Variants in APBB2 observed in about 807,000 individuals in gnomAD.
APBB2 encodes the protein Fe65-like 1.
In APBB2, 38 loss-of-function variants were observed where a neutral mutation model predicts 82.5. That is an observed-to-expected ratio of 0.46 (90% CI 0.36 to 0.60). The LOEUF (loss-of-function observed/expected upper bound fraction) is 0.60. Ranked by LOEUF, APBB2 falls within the 20% of genes least tolerant of loss-of-function variation. The pLI is 0.00. For synonymous variants in APBB2, 341 were observed against 368.2 expected (o/e 0.93, Z 0.85); for missense variants, 772 against 972.3 (o/e 0.79, Z 2.74).
intron 5 of APBB2, among the ~76,000 whole-genome samples, chr4:41,025,370 G>T (rs950318769): frequency 6.6e-6 from 1 of 152,064 alleles, no homozygotes; most frequent in Non-Finnish European, 1.5e-5. Flanking sequence ...ATGCTGGTGA[G>T]ATTGCGGAGA....
intron 10 of APBB2, among the ~76,000 whole-genome samples, chr4:40,899,426 T>C (rs1386869901): frequency 6.6e-6 from 1 of 152,172 alleles, no homozygotes; most frequent in Non-Finnish European, 1.5e-5. Flanking sequence ...CTCTGAGTTT[T>C]ATAATACAGC....
intron 2 of APBB2, among the ~76,000 whole-genome samples, chr4:41,106,718 C>T (rs936271295): frequency 2.6e-5 from 4 of 152,094 alleles, no homozygotes; most frequent in Admixed American, 6.6e-5. Flanking sequence ...CCTCGTGATC[C>T]GCCCACCTCG....
rs142603471 is a variant in APBB2 at position 41,057,221 on chromosome 4, C to A, written c.-51+8355G>T. On this transcript the variant is annotated intron_variant, in intron 4 of 17. Coordinates refer to ENST00000508593, the MANE Select transcript of APBB2 (RefSeq NM_004307.2). ...ATCCCAGCACTTTGGGAGGCTGAGG[C>A]GGGCAGATCACCTCAGGTCAGGAGT... is the stretch of plus-strand genomic sequence containing the variant. 2.8e-3 allele frequency among the ~76,000 whole-genome samples: 420 copies of A among 152,262 alleles called. 2 individuals are homozygous for A. The highest frequency in any genetic ancestry group is 9.6e-3 in the African/African-American group (397 of 41,542).
intron 6 of APBB2, among the ~76,000 whole-genome samples, chr4:40,958,687 C>A (rs1792308410): frequency 6.6e-6 from 1 of 152,150 alleles, no homozygotes. Flanking sequence ...CTCACTGCAG[C>A]CTTGACCTCC....
chr4:40,918,445 G>A (rs539775775), intron 10 of APBB2, among the ~76,000 whole-genome samples: 4 of 152,352 alleles, frequency 2.6e-5, no homozygotes, highest in African/African-American at 9.6e-5. Context: ...GGGGGAAAAT[G>A]TTTTATAGGC....
intron 17 of APBB2, among the ~76,000 whole-genome samples, chr4:40,817,297 A>C (rs58941450): frequency 6.6e-6 from 1 of 152,080 alleles, no homozygotes; most frequent in South Asian, 2.1e-4. Flanking sequence ...GGTTCCAGCT[A>C]CTTGGGAGGC....
rs547041522 is a variant in APBB2 at position 40,870,095 on chromosome 4, C to T, written c.1529+20269G>A. 8.0e-4 allele frequency among the ~76,000 whole-genome samples: 121 copies of T among 152,062 alleles called. 4 individuals carry two copies. In the South Asian group the frequency reaches 0.02, roughly 26 times the overall value. Reference sequence around the variant, plus strand: ...AAGACATCATTCTCTGGCAATAAACCGCTCACCCATGAAATGAAATAATCC... The same window carrying T: ...AAGACATCATTCTCTGGCAATAAACTGCTCACCCATGAAATGAAATAATCC... On this transcript the variant is annotated intron_variant, in intron 12 of 17. Transcript: ENST00000508593.
intron 10 of APBB2, among the ~76,000 whole-genome samples, chr4:40,924,037 G>T (rs1316438667): frequency 2.0e-5 from 3 of 152,262 alleles, no homozygotes; most frequent in Non-Finnish European, 4.4e-5. Context: ...CGGAAAAGCA[G>T]GATGGACAAG....
At chr4:41,067,241 C>T (rs1215295902) in intron 3 of APBB2, among the ~76,000 whole-genome samples, 1 of 152,032 alleles carries the variant, frequency 6.6e-6, no homozygotes, top group Non-Finnish European at 1.5e-5. Flanking sequence ...GAAACCCCAT[C>T]TCTACTAAAA....
chr4:40,846,347 A>AT (rs1757649926), intron 12 of APBB2, among the ~76,000 whole-genome samples: 9 of 151,332 alleles, frequency 5.9e-5, no homozygotes, highest in Admixed American at 5.9e-4. Flanking sequence ...AAAAAAAAAA[A>AT]AGTGCACAGA....
intron 10 of APBB2, among the ~76,000 whole-genome samples, chr4:40,930,710 A>G (rs114869422): frequency 0.013 from 1,905 of 152,254 alleles, 14 homozygotes; most frequent in Middle Eastern, 0.031. Context: ...CTCACAGACT[A>G]TATTTAGAAT....
At chr4:40,851,068 T>C (rs972468412) in intron 12 of APBB2, among the ~76,000 whole-genome samples, 2 of 152,178 alleles carry the variant, frequency 1.3e-5, no homozygotes, top group Non-Finnish European at 2.9e-5. Context: ...AAACACTTCG[T>C]GGAGCCCAGT....
Position 40,893,412 on chromosome 4 carries a change from C to A in APBB2, c.1255-1G>T. On this transcript the variant is annotated splice_acceptor_variant, in intron 10 of 17. Transcript: ENST00000508593. LOFTEE classifies it high-confidence loss of function. ...ATCCCAGAGAACGCACAGCAAAACA[C>A]TGGAAGACAGTGAAAGAGGACAAGA... 6.2e-7 allele frequency: 1 copy of A among 1,607,052 alleles called. No homozygotes were observed. The highest frequency in any genetic ancestry group is 2.2e-5 in the East Asian group (1 of 44,622).
chr4:40,994,638 C>G (rs911062368), intron 6 of APBB2, among the ~76,000 whole-genome samples: 1 of 151,608 alleles, frequency 6.6e-6, no homozygotes, highest in African/African-American at 2.4e-5. Context: ...CATGGTGAAA[C>G]CCCATCTCTA....
chr4:40,872,949 G>A (rs1049869642), intron 12 of APBB2, among the ~76,000 whole-genome samples: 1 of 151,930 alleles, frequency 6.6e-6, no homozygotes, highest in African/African-American at 2.4e-5. Flanking sequence ...TTAGCTGGGC[G>A]TGGTGTTGCG....
At chr4:40,953,659 C>CTAGA in intron 6 of APBB2, among the ~76,000 whole-genome samples, 1 of 152,206 alleles carries the variant, frequency 6.6e-6, no homozygotes. Flanking sequence ...AACCCTCGTG[C>CTAGA]TAGAAGCCTT....
At chr4:40,907,464 G>C (rs1361696761) in intron 10 of APBB2, among the ~76,000 whole-genome samples, 1 of 145,004 alleles carries the variant, frequency 6.9e-6, no homozygotes, top group Admixed American at 7.0e-5. Context: ...TCCGCCTCCT[G>C]AGTTCAAGCA....
chr4:40,942,009 C>A (rs1444626760), intron 7 of APBB2, among the ~76,000 whole-genome samples: 1 of 152,094 alleles, frequency 6.6e-6, no homozygotes, highest in Non-Finnish European at 1.5e-5. Context: ...TCTCTTAGTG[C>A]CTCTGGTTTA....
At chr4:41,034,575 T>G (rs758784660) in intron 4 of APBB2, among the ~76,000 whole-genome samples, 6 of 152,264 alleles carry the variant, frequency 3.9e-5, no homozygotes, top group Non-Finnish European at 8.8e-5. Flanking sequence ...TCCGCCCACC[T>G]TGGCCTCCCA....
Sources: allele counts gnomAD v4.1 joint callset (sites outside exome capture counted in the v4.1 genomes callset), GRCh38; gene constraint gnomAD v4.1.1; transcripts MANE v1.5; gene names NCBI Gene and HGNC (gene_info 2026-07-23, HGNC 2026-07-21).